Variants in TRIM67 observed in about 807,000 individuals in gnomAD.
TRIM67 encodes tripartite motif-containing protein 67.
Under a neutral mutation model 71.0 loss-of-function variants are expected in TRIM67, and 39 were observed. The observed-to-expected ratio is 0.55, with a 90% CI of 0.43 to 0.72. The LOEUF (loss-of-function observed/expected upper bound fraction) is 0.72, where lower values mean the gene tolerates loss of function less well. Among genes scored for constraint, TRIM67 ranks in the 30% least tolerant of loss-of-function variants. The pLI is 0.00. For missense variants in TRIM67, 973 were observed against 1,079.2 expected, an observed-to-expected ratio of 0.90 and a Z score of 1.38; for synonymous variants, 481 against 473.9, an observed-to-expected ratio of 1.01 and a Z score of -0.19.
Position 231,163,193 on chromosome 1 carries a change from C to A in TRIM67, c.224C>A (p.Pro75Gln), listed in dbSNP as rs1334748356. The change falls in exon 1 of 10, where the codon CCG becomes CAG. Residue 75 changes from proline (P) to glutamine (Q), a missense_variant. Pro to Gln is a moderately conservative substitution (Grantham distance 76). Coordinates refer to ENST00000366653, the MANE Select transcript of TRIM67 (RefSeq NM_001004342.5). The stretch of plus-strand genomic sequence containing the variant: ...CTGGAGCACGACGCTGCGGCTGGCC[C>A]GGCCTGCGGCGGTGCAGGCGGGAGT... Reference protein sequence around the residue: ...ASLEHDAAAGPACGGAGGSAA... With the variant: ...ASLEHDAAAGQACGGAGGSAA... 1 of 1,493,968 alleles carries A rather than the reference C, an allele frequency of 6.7e-7. No individual in the cohort carries two copies. Among genetic ancestry groups the A allele is most frequent in the Admixed American group, 2.3e-5 (1 of 44,114 alleles). The allele number at this position is 1,493,968 out of a possible 1,614,324, so 92.5% of individuals were successfully genotyped here.
rs1344487368 is a variant in TRIM67, at chr1:231,163,409, G to GCTC, written c.444_446dup (p.Ser149dup). On this transcript the variant is annotated inframe_insertion, in exon 1 of 10. Coordinates refer to ENST00000366653, the MANE Select transcript of TRIM67 (RefSeq NM_001004342.5). ...GCTGCGGCGGCTCGGGGTGCCGCCT[G>GCTC]CTCCTCGCTGTCCTCGTCTTCGAGC... is the stretch of plus-strand genomic sequence containing the variant. 2.0e-6 allele frequency: 3 copies of GCTC among 1,537,230 alleles called. No individual in the cohort carries two copies. The African/African-American group carries it at 4.2e-5, about 22-fold the overall frequency.
chr1:231,217,325 C>T lies in TRIM67; in HGVS notation c.*1885C>T. 1 of 986,182 alleles carries T rather than the reference C, an allele frequency of 1.0e-6. No individual in the cohort carries two copies. Among genetic ancestry groups the T allele is most frequent in the Non-Finnish European group, 1.2e-6 (1 of 830,442 alleles). The allele number at this position is 986,182 out of a possible 1,614,324, so 61.1% of individuals were successfully genotyped here. A position where few individuals can be genotyped will look rare whatever the true frequency, so the allele number is the denominator to read the frequency against. On this transcript the variant is annotated 3_prime_UTR_variant, in exon 10 of 10. Transcript: ENST00000366653. ...TCTTGCCTCTTCCTTGTCATCTCACCAAGCGGTTTCTGGGTCTCCTCCTCC... is the reference window on the plus strand; with the variant it reads ...TCTTGCCTCTTCCTTGTCATCTCACTAAGCGGTTTCTGGGTCTCCTCCTCC...
intron 7 of TRIM67, among the ~76,000 whole-genome samples, chr1:231,207,150 A>G (rs1299392759): frequency 6.6e-6 from 1 of 152,210 alleles, no homozygotes; most frequent in Non-Finnish European, 1.5e-5. Flanking sequence ...CGAAAGAAAC[A>G]TTCATTTACC....
chr1:231,201,151 A>C (rs138486979), intron 4 of TRIM67, among the ~76,000 whole-genome samples: 108 of 152,300 alleles, frequency 7.1e-4, no homozygotes, highest in Middle Eastern at 3.4e-3. Context: ...TGTGATTATG[A>C]AATACGATTG....
chr1:231,163,623 A>G lies in TRIM67; in HGVS notation c.654A>G (p.Pro218=). The change falls in exon 1 of 10, where the codon CCA becomes CCG. Residue 218 remains proline (P), a synonymous_variant. Transcript: ENST00000366653. Reference sequence around the variant, plus strand: ...TGTGCGACCGCACCCCGCCAGAGCCAGCAGCCACGCTCTGCGAGCAGTGCG... The same window carrying G: ...TGTGCGACCGCACCCCGCCAGAGCCGGCAGCCACGCTCTGCGAGCAGTGCG... The part of the protein sequence containing the change: ...CQLCDRTPPE[P]AATLCEQCDV... 1.3e-6 allele frequency: 2 copies of G among 1,520,534 alleles called. No homozygotes were observed. 94.2% of individuals were successfully genotyped at this position (1,520,534 alleles called of 1,614,324 possible).
chr1:231,191,897 T>C (rs1041637888), intron 1 of TRIM67, among the ~76,000 whole-genome samples: 1 of 152,156 alleles, frequency 6.6e-6, no homozygotes, highest in Non-Finnish European at 1.5e-5. Flanking sequence ...ACATTCTACA[T>C]GTCAGGTACT....
At chr1:231,172,742 T>C (rs1210341955) in intron 1 of TRIM67, among the ~76,000 whole-genome samples, 1 of 152,264 alleles carries the variant, frequency 6.6e-6, no homozygotes, top group African/African-American at 2.4e-5. Context: ...CACATACTTG[T>C]ATTTACTCAA....
Position 231,216,835 on chromosome 1 carries a change from C to CA in TRIM67, c.*1396dup. 3 of 985,548 alleles carry CA rather than the reference C, an allele frequency of 3.0e-6. No individual in the cohort carries two copies. Among genetic ancestry groups the CA allele is most frequent in the Non-Finnish European group, 2.4e-6 (2 of 829,998 alleles). 61.1% of individuals were successfully genotyped at this position (985,548 alleles called of 1,614,324 possible). A position where few individuals can be genotyped will look rare whatever the true frequency, so the allele number is the denominator to read the frequency against. On this transcript the variant is annotated 3_prime_UTR_variant, in exon 10 of 10. Coordinates refer to ENST00000366653, the MANE Select transcript of TRIM67 (RefSeq NM_001004342.5). ...TTTGAGCCTGCCAGGCTCTTGTTCC[C>CA]AGGGAACCCTTCCTCTCCTCCCTCC...
At chr1:231,182,511 G>T (rs1358923609) in intron 1 of TRIM67, among the ~76,000 whole-genome samples, 1 of 152,182 alleles carries the variant, frequency 6.6e-6, no homozygotes, top group African/African-American at 2.4e-5. Context: ...GACTTGAAGG[G>T]GGAGGTTGCA....
intron 2 of TRIM67, among the ~76,000 whole-genome samples, chr1:231,198,675 C>G (rs962186815): frequency 6.6e-6 from 1 of 152,178 alleles, no homozygotes; most frequent in African/African-American, 2.4e-5. Context: ...CATGAGCTGC[C>G]GCGCCGGGCC....
chr1:231,211,020 C>G (rs1233462339), intron 8 of TRIM67, among the ~76,000 whole-genome samples: 4 of 133,856 alleles, frequency 3.0e-5, no homozygotes, highest in African/African-American at 1.1e-4. Context: ...TCCTCTCTAC[C>G]AAAAAAAAAA....
At chr1:231,204,912 T>A (rs1379319993) in intron 6 of TRIM67, among the ~76,000 whole-genome samples, 1 of 152,314 alleles carries the variant, frequency 6.6e-6, no homozygotes, top group East Asian at 1.9e-4. Flanking sequence ...TGGAAATAAT[T>A]GCAGCACTTC....
At chr1:231,204,554 T>C (rs1213409386) in intron 6 of TRIM67, among the ~76,000 whole-genome samples, 1 of 152,178 alleles carries the variant, frequency 6.6e-6, no homozygotes, top group African/African-American at 2.4e-5. Context: ...AAATGCATCT[T>C]CTACTCCCCA....
At position 231,213,967 on chromosome 1, in the gene TRIM67, G is replaced by A. The variant is rs752323699; in HGVS notation, c.2276G>A (p.Arg759His). 25 of 1,610,554 alleles carry A rather than the reference G, an allele frequency of 1.6e-5. No individual in the cohort carries two copies. The East Asian group carries it at 2.7e-4, about 17-fold the overall frequency. ...GVFMPALSLN[R>H]NVQVTLHTGL... Reference sequence around the variant, plus strand: ...TTCATGCCAGCCCTCAGCCTCAACCGCAACGTGCAGGTACACACCTCCCCA... The same window carrying A: ...TTCATGCCAGCCCTCAGCCTCAACCACAACGTGCAGGTACACACCTCCCCA... Residue 759 changes from arginine (R) to histidine (H), a missense_variant, in exon 9 of 10, where the codon CGC becomes CAC. By Grantham distance (29) the Arg-to-His change is conservative (BLOSUM62 0). This residue lies in a region of TRIM67 where 178 missense variants were observed against 247.9 expected (regional missense o/e 0.72). Coordinates refer to ENST00000366653, the MANE Select transcript of TRIM67 (RefSeq NM_001004342.5).
At position 231,217,618 on chromosome 1, in the gene TRIM67, C is replaced by T; in HGVS notation, c.*2178C>T. 1 of 1,122,106 alleles carries T rather than the reference C, an allele frequency of 8.9e-7. No homozygotes were observed. Among genetic ancestry groups the T allele is most frequent in the Non-Finnish European group, 1.1e-6 (1 of 903,832 alleles). The allele number at this position is 1,122,106 out of a possible 1,614,324, so 69.5% of individuals were successfully genotyped here. A position where few individuals can be genotyped will look rare whatever the true frequency, so the allele number is the denominator to read the frequency against. On this transcript the variant is annotated 3_prime_UTR_variant, in exon 10 of 10. Transcript: ENST00000366653. ...AAAAAACAGGCCTACACCCTGCCCC[C>T]AGAATGAGAGTGGGCTAGGCAGGGC...
chr1:231,166,210 T>C (rs1682459711), intron 1 of TRIM67, among the ~76,000 whole-genome samples: 1 of 152,224 alleles, frequency 6.6e-6, no homozygotes. Context: ...TCCTCCTAAA[T>C]CCAGAAGGAA....
At chr1:231,197,495 T>C (rs1683398145) in intron 2 of TRIM67, 29 bp downstream of exon 2, 2 of 1,600,652 alleles carry the variant, frequency 1.2e-6, no homozygotes. Flanking sequence ...TCGGGAGAAA[T>C]ACTCAGTGTT....
At chr1:231,170,531 G>C (rs1457793914) in intron 1 of TRIM67, among the ~76,000 whole-genome samples, 1 of 152,110 alleles carries the variant, frequency 6.6e-6, no homozygotes, top group African/African-American at 2.4e-5. Context: ...GTGTCGTTAA[G>C]GTATTGTTAT....
intron 5 of TRIM67, 126 bp downstream of exon 5, chr1:231,201,643 G>C (rs1054985173): frequency 8.2e-7 from 1 of 1,223,878 alleles, no homozygotes; most frequent in Non-Finnish European, 1.1e-6. Flanking sequence ...GAGAGCAGGA[G>C]CGCCAGAGTC....
Sources: allele counts gnomAD v4.1 joint callset (sites outside exome capture counted in the v4.1 genomes callset), GRCh38; gene constraint gnomAD v4.1.1; regional missense constraint gnomAD v4.1.1; transcripts MANE v1.5; gene names NCBI Gene and HGNC (gene_info 2026-07-23, HGNC 2026-07-21).